The following CNTNAP2 variants were observed in gnomAD, a reference collection of about 807,000 sequenced individuals.
The protein encoded by CNTNAP2 is contactin associated protein 2, also known as contactin-associated protein-like 2.
CNTNAP2 carries 98 observed loss-of-function variants against 155.2 expected under a neutral mutation model. The ratio of observed to expected loss-of-function variants is 0.63; its 90% CI spans 0.54 to 0.75. The LOEUF (loss-of-function observed/expected upper bound fraction) is 0.75, where lower values mean the gene tolerates loss of function less well. Ranked by LOEUF, CNTNAP2 falls within the 30% of genes least tolerant of loss-of-function variation. The pLI, the probability that CNTNAP2 is intolerant of heterozygous loss-of-function variation, is 0.00. For synonymous variants in CNTNAP2, 651 were observed against 631.2 expected (o/e 1.03, Z -0.47); for missense variants, 1,727 against 1,688.1 (o/e 1.02, Z -0.40).
chr7:147,943,629 C>T (rs1365271115), intron 14 of CNTNAP2, among the ~76,000 whole-genome samples: 5 of 151,560 alleles, frequency 3.3e-5, no homozygotes, highest in Admixed American at 2.6e-4. Context: ...ATTATCTGGG[C>T]GTGGTGGCAC....
chr7:146,649,950 A>G (rs1274695905), intron 1 of CNTNAP2, among the ~76,000 whole-genome samples: 2 of 152,212 alleles, frequency 1.3e-5, no homozygotes, highest in East Asian at 1.9e-4. Context: ...ATGCAAATCA[A>G]AACCACAGTG....
At chr7:147,462,568 CAAAT>C (rs1798043579) in intron 10 of CNTNAP2, among the ~76,000 whole-genome samples, 1 of 152,088 alleles carries the variant, frequency 6.6e-6, no homozygotes, top group Non-Finnish European at 1.5e-5. Flanking sequence ...CATATAAAAA[CAAAT>C]AAAACAGTGT....
intron 1 of CNTNAP2, among the ~76,000 whole-genome samples, chr7:146,622,619 C>T (rs1029081458): frequency 2.6e-5 from 4 of 151,990 alleles, no homozygotes; most frequent in Non-Finnish European, 5.9e-5. Flanking sequence ...TCATTCTAAC[C>T]TTCTCCCCTT....
chr7:146,372,162 A>G (rs998515991), intron 1 of CNTNAP2, among the ~76,000 whole-genome samples: 27 of 152,146 alleles, frequency 1.8e-4, no homozygotes, highest in African/African-American at 6.5e-4. Context: ...GCACACTTAA[A>G]GGTCCATTTA....
intron 2 of CNTNAP2, among the ~76,000 whole-genome samples, chr7:146,777,494 T>A (rs1350343135): frequency 3.3e-5 from 5 of 151,914 alleles, no homozygotes. Flanking sequence ...GGAACTAGCA[T>A]GAGAAAGAAA....
At chr7:146,405,105 C>G (rs1795772014) in intron 1 of CNTNAP2, among the ~76,000 whole-genome samples, 1 of 152,146 alleles carries the variant, frequency 6.6e-6, no homozygotes, top group South Asian at 2.1e-4. Flanking sequence ...TATTTCCCAT[C>G]TGGTGCACGA....
At chr7:146,829,668 T>C in intron 2 of CNTNAP2, among the ~76,000 whole-genome samples, 1 of 152,102 alleles carries the variant, frequency 6.6e-6, no homozygotes, top group East Asian at 1.9e-4. Context: ...GAATGTGTGA[T>C]GTTATTGTTG....
At chr7:148,279,723 C>G (rs1466914926) in intron 21 of CNTNAP2, among the ~76,000 whole-genome samples, 1 of 152,072 alleles carries the variant, frequency 6.6e-6, no homozygotes, top group Non-Finnish European at 1.5e-5. Context: ...AAGAAAAAAG[C>G]CTATTGATAA....
intron 15 of CNTNAP2, among the ~76,000 whole-genome samples, chr7:148,088,393 GA>G (rs897219612): frequency 6.7e-6 from 1 of 150,076 alleles, no homozygotes; most frequent in Non-Finnish European, 1.5e-5. Flanking sequence ...TGGTTTTCTG[GA>G]AAAAAATAAA....
At chr7:146,907,447 A>T (rs1796159981) in intron 3 of CNTNAP2, among the ~76,000 whole-genome samples, 1 of 144,592 alleles carries the variant, frequency 6.9e-6, no homozygotes, top group Non-Finnish European at 1.5e-5. Flanking sequence ...CTAACAGCGG[A>T]TCTCTCGGCA....
intron 10 of CNTNAP2, among the ~76,000 whole-genome samples, chr7:147,432,679 G>T: frequency 6.6e-6 from 1 of 152,106 alleles, no homozygotes; most frequent in East Asian, 1.9e-4. Flanking sequence ...CCCAACCACA[G>T]TCACAGTGTT....
chr7:146,223,620 C>G lies in CNTNAP2; in HGVS notation c.97+106647C>G, dbSNP rs1443673668. On this transcript the variant is annotated intron_variant, in intron 1 of 23. Coordinates refer to ENST00000361727, the MANE Select transcript of CNTNAP2 (RefSeq NM_014141.6). Reference sequence around the variant, plus strand: ...AGATACAGCTCTGGCAATCTTGACTCTAGACAAACATGGAGTTACTATCTT... The same window carrying G: ...AGATACAGCTCTGGCAATCTTGACTGTAGACAAACATGGAGTTACTATCTT... 3.3e-5 allele frequency among the ~76,000 whole-genome samples: 5 copies of G among 152,158 alleles called. No homozygotes were observed. In the East Asian group the frequency reaches 9.7e-4, roughly 29 times the overall value.
chr7:147,727,190 A>G (rs1386574872), intron 13 of CNTNAP2, among the ~76,000 whole-genome samples: 2 of 151,996 alleles, frequency 1.3e-5, no homozygotes, highest in African/African-American at 4.8e-5. Flanking sequence ...ATTGGTGTGT[A>G]GGTAGGAACT....
intron 1 of CNTNAP2, among the ~76,000 whole-genome samples, chr7:146,561,664 A>T (rs1798281558): frequency 6.6e-6 from 1 of 152,178 alleles, no homozygotes; most frequent in Non-Finnish European, 1.5e-5. Context: ...TCTCAAAACA[A>T]AAAATGAAGA....
chr7:146,569,593 G>GA (rs1357550907), intron 1 of CNTNAP2, among the ~76,000 whole-genome samples: 3 of 152,038 alleles, frequency 2.0e-5, no homozygotes, highest in Admixed American at 6.6e-5. Context: ...AGTTCTTTTT[G>GA]AAAAATACTG....
intron 1 of CNTNAP2, among the ~76,000 whole-genome samples, chr7:146,589,298 A>G (rs916843508): frequency 2.0e-5 from 3 of 152,218 alleles, no homozygotes; most frequent in Non-Finnish European, 2.9e-5. Context: ...ACACATGCAC[A>G]TGTACGTTTA....
chr7:147,310,721 T>A (rs913682102), intron 9 of CNTNAP2, among the ~76,000 whole-genome samples: 19 of 146,562 alleles, frequency 1.3e-4, no homozygotes, highest in Admixed American at 1.1e-3. Flanking sequence ...GTTTCATGAA[T>A]AATCAGTGTT....
At position 148,413,437 on chromosome 7, in the gene CNTNAP2, T is replaced by TGTATA. The variant is rs1563079524; in HGVS notation, c.3797-1980_3797-1979insGTATA. 2.9e-4 allele frequency among the ~76,000 whole-genome samples: 32 copies of TGTATA among 110,122 alleles called. 1 individual carries two copies. The highest frequency in any genetic ancestry group is 1.1e-3 in the African/African-American group (30 of 27,808). The allele number at this position is 110,122 out of a possible 152,430, so 72.2% of individuals were successfully genotyped here. A position where few individuals can be genotyped will look rare whatever the true frequency, so the allele number is the denominator to read the frequency against. On this transcript the variant is annotated intron_variant, in intron 23 of 23. Transcript: ENST00000361727. ...ATATATATATATATATATATATATA[T>TGTATA]ATATATATATTGCTCCATAGTTTTC...
rs527381306 is a variant in CNTNAP2 at position 147,313,584 on chromosome 7, G to T, written c.1498+13294G>T. ...GATCAGATAGTTGTAGATATGCAGC[G>T]TTATTTCTGAGGGCTCTGTTCTGTT... On this transcript the variant is annotated intron_variant, in intron 9 of 23. Transcript: ENST00000361727. Among the ~76,000 whole-genome samples, 7 of 148,332 alleles carry T rather than the reference G, an allele frequency of 4.7e-5. No homozygotes were observed. The East Asian group carries it at 1.4e-3, about 30-fold the overall frequency.
Sources: gnomAD v4.1 joint callset for allele counts (sites outside exome capture counted in the v4.1 genomes callset) on GRCh38, gnomAD v4.1.1 for gene constraint, MANE v1.5 for transcripts, NCBI Gene and HGNC (gene_info 2026-07-23, HGNC 2026-07-21) for gene names.